The following GAS7 variants were observed in gnomAD, a reference collection of about 807,000 sequenced individuals.
GAS7 encodes growth arrest specific 7.
Under a neutral mutation model 71.1 loss-of-function variants are expected in GAS7, and 28 were observed. The ratio of observed to expected loss-of-function variants is 0.39; its 90% CI spans 0.29 to 0.54. GAS7 has a LOEUF of 0.54. GAS7 is among the 20% of genes least tolerant of loss of function. The pLI is 0.62. For synonymous variants in GAS7, 258 were observed against 245.8 expected (o/e 1.05, Z -0.46); for missense variants, 436 against 627.8 (o/e 0.69, Z 3.27).
At position 10,198,340 on chromosome 17, in the gene GAS7, G is replaced by T; in HGVS notation, c.51C>A (p.His17Gln). Residue 17 changes from histidine (H) to glutamine (Q), a missense_variant, in exon 1 of 14, where the codon CAC (histidine) becomes CAA (glutamine). Transcript: ENST00000432992. ...RTLYPFSGER[H>Q]GQGLRFAAGE... ...CCGCGGCGAAGCGCAGCCCCTGGCC[G>T]TGCCGCTCCCCGGAGAAGGGGTACA... 6.3e-7 allele frequency: 1 copy of T among 1,599,478 alleles called. No individual in the cohort carries two copies. Among genetic ancestry groups the T allele is most frequent in the East Asian group, 2.2e-5 (1 of 44,776 alleles).
intron 1 of GAS7, among the ~76,000 whole-genome samples, chr17:10,096,600 C>T (rs1251821383): frequency 6.7e-6 from 1 of 148,970 alleles, no homozygotes; most frequent in Non-Finnish European, 1.5e-5. Flanking sequence ...GCACTACCCA[C>T]CCAACAGACC....
chr17:9,917,521 C>T (rs897823493), intron 13 of GAS7, among the ~76,000 whole-genome samples, 180 bp from the exon 14 acceptor site: 2 of 152,170 alleles, frequency 1.3e-5, no homozygotes, highest in Admixed American at 6.5e-5. Flanking sequence ...GAACGGGGAA[C>T]CCAGTATGCA....
intron 1 of GAS7, among the ~76,000 whole-genome samples, chr17:10,175,620 GTT>G (rs1298172432): frequency 2.2e-5 from 3 of 139,518 alleles, no homozygotes; most frequent in Non-Finnish European, 4.7e-5. Flanking sequence ...TAGTTAGTTA[GTT>G]ATTTTCCTTG....
chr17:9,924,742 A>G (rs2067935696), intron 11 of GAS7: 1 of 152,214 alleles, frequency 6.6e-6, no homozygotes, highest in African/African-American at 2.4e-5. Flanking sequence ...AATTGAGGTG[A>G]AAGGGACCTA....
intron 2 of GAS7, among the ~76,000 whole-genome samples, chr17:10,002,603 C>T (rs1428162929): frequency 2.0e-5 from 3 of 151,964 alleles, no homozygotes; most frequent in African/African-American, 7.3e-5. Context: ...ATGTTCCCCT[C>T]CCTGTGTCCA....
At chr17:10,174,756 T>C (rs1389731249) in intron 1 of GAS7, among the ~76,000 whole-genome samples, 1 of 151,996 alleles carries the variant, frequency 6.6e-6, no homozygotes, top group African/African-American at 2.4e-5. Flanking sequence ...GGAATTTGAC[T>C]TCAGGCCCCA....
intron 1 of GAS7, among the ~76,000 whole-genome samples, chr17:10,159,999 G>C (rs1404824391): frequency 6.6e-6 from 1 of 151,760 alleles, no homozygotes; most frequent in Non-Finnish European, 1.5e-5. Flanking sequence ...GGCTGGTCTT[G>C]AACTCCTGAG....
chr17:10,112,890 T>C (rs2142068067), intron 1 of GAS7, among the ~76,000 whole-genome samples: 1 of 151,896 alleles, frequency 6.6e-6, no homozygotes, highest in South Asian at 2.1e-4. Context: ...GAGAGTCCAG[T>C]AGTGTCATCA....
intron 2 of GAS7, among the ~76,000 whole-genome samples, chr17:9,991,650 A>G (rs972781603): frequency 6.6e-6 from 1 of 151,910 alleles, no homozygotes; most frequent in Non-Finnish European, 1.5e-5. Flanking sequence ...CTCAATCCCC[A>G]TTAGGATCCC....
chr17:10,033,995 G>T, intron 1 of GAS7: 1 of 308,708 alleles, frequency 3.2e-6, no homozygotes, highest in Non-Finnish European at 4.7e-6. Context: ...CTCAGTAAGG[G>T]GTGCAATTCT....
intron 1 of GAS7, among the ~76,000 whole-genome samples, chr17:10,082,386 T>C (rs998475256): frequency 2.6e-5 from 4 of 152,158 alleles, no homozygotes; most frequent in African/African-American, 7.2e-5. Context: ...AATCCAGAGA[T>C]GGTAATAAGC....
At chr17:10,141,986 T>TA (rs1555536638) in intron 1 of GAS7, among the ~76,000 whole-genome samples, 1 of 151,050 alleles carries the variant, frequency 6.6e-6, no homozygotes, top group South Asian at 2.1e-4. Flanking sequence ...CCCAGCACTT[T>TA]GGGGGGCCGA....
At chr17:10,097,642 G>A (rs1490522640) in intron 1 of GAS7, among the ~76,000 whole-genome samples, 5 of 152,172 alleles carry the variant, frequency 3.3e-5, no homozygotes, top group African/African-American at 1.2e-4. Context: ...AATAACCCAT[G>A]TGGGCTCTGT....
intron 1 of GAS7, among the ~76,000 whole-genome samples, chr17:10,031,376 C>T (rs999972192): frequency 1.3e-5 from 2 of 152,182 alleles, no homozygotes; most frequent in African/African-American, 4.8e-5. Context: ...AGGAAGTTCA[C>T]CCATCAACCC....
At position 9,929,527 on chromosome 17, in the gene GAS7, T is replaced by G. The variant is rs955068427; in HGVS notation, c.886-2758A>C. 4.6e-5 allele frequency among the ~76,000 whole-genome samples: 7 copies of G among 152,258 alleles called. No individual in the cohort carries two copies. In the East Asian group the frequency reaches 1.2e-3, roughly 25 times the overall value. On this transcript the variant is annotated intron_variant, in intron 9 of 13. Transcript: ENST00000432992. Reference sequence around the variant, plus strand: ...TCTCACTCTGTCTCCCAGGCTGGAGTGCAATGGCGCAATCTTGGCTCACTG... The same window carrying G: ...TCTCACTCTGTCTCCCAGGCTGGAGGGCAATGGCGCAATCTTGGCTCACTG...
chr17:10,050,458 G>T (rs1055841241), intron 1 of GAS7, among the ~76,000 whole-genome samples: 5 of 152,090 alleles, frequency 3.3e-5, no homozygotes, highest in Admixed American at 6.5e-5. Context: ...AGTCTCCCCA[G>T]TACCCACACA....
chr17:10,178,562 T>A (rs537771647), intron 1 of GAS7, among the ~76,000 whole-genome samples: 9 of 152,076 alleles, frequency 5.9e-5, no homozygotes, highest in Non-Finnish European at 1.3e-4. Flanking sequence ...ATACCTCTCC[T>A]GTGAACATCC....
chr17:10,002,843 C>A (rs1036808001), intron 2 of GAS7, among the ~76,000 whole-genome samples: 1 of 152,156 alleles, frequency 6.6e-6, no homozygotes, highest in African/African-American at 2.4e-5. Flanking sequence ...CAAGTCTTTG[C>A]TATTGTGAAT....
At chr17:9,982,874 G>GAAAGA in intron 2 of GAS7, among the ~76,000 whole-genome samples, 2 of 150,928 alleles carry the variant, frequency 1.3e-5, no homozygotes, top group South Asian at 2.1e-4. Flanking sequence ...AGAAAGCAAA[G>GAAAGA]AAAGCAAAGA....
Sources: gnomAD v4.1 joint callset for allele counts (sites outside exome capture counted in the v4.1 genomes callset) on GRCh38, gnomAD v4.1.1 for gene constraint, MANE v1.5 for transcripts, NCBI Gene and HGNC (gene_info 2026-07-23, HGNC 2026-07-21) for gene names.